Variants in MSRB3 observed in about 807,000 individuals in gnomAD.
MSRB3 encodes the protein methionine sulfoxide reductase B3.
Under a neutral mutation model 21.0 loss-of-function variants are expected in MSRB3, and 13 were observed. That is an observed-to-expected ratio of 0.62 (90% CI 0.40 to 0.98). MSRB3 has a LOEUF of 0.98. MSRB3 is among the 50% of genes least tolerant of loss of function. MSRB3 has a pLI of 0.00. For missense variants in MSRB3, 199 were observed against 230.3 expected, an observed-to-expected ratio of 0.86 and a Z score of 0.88; for synonymous variants, 87 against 88.6, an observed-to-expected ratio of 0.98 and a Z score of 0.10.
At chr12:65,457,141 T>G (rs1351043647) in intron 6 of MSRB3, among the ~76,000 whole-genome samples, 1 of 152,150 alleles carries the variant, frequency 6.6e-6, no homozygotes, top group Non-Finnish European at 1.5e-5. Context: ...ATTATCTGTT[T>G]ATCTTCTTTT....
At chr12:65,296,224 T>C (rs368592143) in intron 1 of MSRB3, among the ~76,000 whole-genome samples, 1 of 152,236 alleles carries the variant, frequency 6.6e-6, no homozygotes, top group African/African-American at 2.4e-5. Flanking sequence ...GTAATCTTAG[T>C]TGAGTTGTCT....
At chr12:65,384,510 T>G (rs528587144) in intron 5 of MSRB3, among the ~76,000 whole-genome samples, 1 of 152,290 alleles carries the variant, frequency 6.6e-6, no homozygotes, top group South Asian at 2.1e-4. Context: ...ACATGATTAA[T>G]GACTGAAGAA....
chr12:65,359,300 G>T (rs983313018), intron 4 of MSRB3, among the ~76,000 whole-genome samples: 3 of 151,990 alleles, frequency 2.0e-5, no homozygotes, highest in Non-Finnish European at 2.9e-5. Context: ...TATTGCTCTT[G>T]TCTGAGATTT....
At chr12:65,365,102 G>A (rs1452508324) in intron 4 of MSRB3, among the ~76,000 whole-genome samples, 3 of 151,076 alleles carry the variant, frequency 2.0e-5, no homozygotes, top group Non-Finnish European at 4.4e-5. Context: ...TCAGAATTAG[G>A]TATTCTATAG....
At chr12:65,299,284 C>G (rs1161893924) in intron 1 of MSRB3, among the ~76,000 whole-genome samples, 3 of 152,236 alleles carry the variant, frequency 2.0e-5, no homozygotes, top group Admixed American at 6.5e-5. Flanking sequence ...ACAGGCTAAG[C>G]TGCTCTGACA....
rs2136544804 is a variant in MSRB3, at chr12:65,374,885, TG to T, written c.292+5860del. ...TCTTTTTTGAGACGGAGTCTTGCTC[TG>T]TCGCCCAGGCTGGAGTGCAGTGGCG... is the stretch of plus-strand genomic sequence containing the variant. On this transcript the variant is annotated intron_variant, in intron 5 of 6. Coordinates refer to ENST00000308259, the MANE Select transcript of MSRB3 (RefSeq NM_001031679.3). Among the ~76,000 whole-genome samples, 3 of 152,338 alleles carry T rather than the reference TG, an allele frequency of 2.0e-5. No individual in the cohort carries two copies. In the East Asian group the frequency reaches 5.8e-4, roughly 29 times the overall value.
chr12:65,372,298 T>C (rs941239235), intron 5 of MSRB3, among the ~76,000 whole-genome samples: 1 of 152,222 alleles, frequency 6.6e-6, no homozygotes, highest in Non-Finnish European at 1.5e-5. Flanking sequence ...AATTCTGACC[T>C]GAGAACTCCA....
At chr12:65,287,614 C>T (rs1481880950) in intron 1 of MSRB3, among the ~76,000 whole-genome samples, 3 of 152,088 alleles carry the variant, frequency 2.0e-5, no homozygotes, top group African/African-American at 7.2e-5. Flanking sequence ...GGGTGAAAAG[C>T]CACAAGTTGT....
rs896631191 is a variant in MSRB3, at chr12:65,368,929, C to T, written c.264-69C>T. The T allele has an allele frequency of 9.9e-6, 6 of 607,146 alleles. 1 individual carries two copies. The highest frequency in any genetic ancestry group is 5.6e-5 in the African/African-American group (3 of 53,856). 37.6% of individuals were successfully genotyped at this position (607,146 alleles called of 1,614,324 possible). On this transcript the variant is annotated intron_variant, in intron 4 of 6. Coordinates refer to ENST00000308259, the MANE Select transcript of MSRB3 (RefSeq NM_001031679.3). ...TACCTCCCCTCCCAACCACACCCCC[C>T]CCCCCCATGAAATAATTGTTCTTTT...
At position 65,290,720 on chromosome 12, in the gene MSRB3, C is replaced by A. The variant is rs367647082; in HGVS notation, c.-52+11855C>A. 2.7e-4 allele frequency among the ~76,000 whole-genome samples: 41 copies of A among 152,326 alleles called. No individual in the cohort carries two copies. The East Asian group carries it at 6.2e-3, about 23-fold the overall frequency. On this transcript the variant is annotated intron_variant, in intron 1 of 6. Coordinates refer to ENST00000308259, the MANE Select transcript of MSRB3 (RefSeq NM_001031679.3). ...CTTTGTGTGTTCGGACTAGTTTCTTCATATTTGGACAATGCCCTCCTCTTT... is the reference window on the plus strand; with the variant it reads ...CTTTGTGTGTTCGGACTAGTTTCTTAATATTTGGACAATGCCCTCCTCTTT...
intron 4 of MSRB3, among the ~76,000 whole-genome samples, chr12:65,335,607 A>AC (rs1875712290): frequency 6.6e-6 from 1 of 152,064 alleles, no homozygotes; most frequent in Non-Finnish European, 1.5e-5. Context: ...CTGTGATGCA[A>AC]TTTTGTGTGT....
At chr12:65,343,786 G>A (rs958301713) in intron 4 of MSRB3, among the ~76,000 whole-genome samples, 3 of 152,048 alleles carry the variant, frequency 2.0e-5, no homozygotes, top group Non-Finnish European at 4.4e-5. Context: ...ATGCTTCCCT[G>A]TATTCTGGCT....
intron 5 of MSRB3, among the ~76,000 whole-genome samples, chr12:65,394,012 A>T (rs1879637869): frequency 6.6e-6 from 1 of 152,152 alleles, no homozygotes; most frequent in Non-Finnish European, 1.5e-5. Flanking sequence ...TAAGTAAGGT[A>T]AATTACTCTA....
intron 5 of MSRB3, among the ~76,000 whole-genome samples, chr12:65,397,155 C>G (rs1879864031): frequency 6.6e-6 from 1 of 152,156 alleles, no homozygotes; most frequent in South Asian, 2.1e-4. Context: ...CTGAAGTTCA[C>G]TCTGTCAAAA....
intron 5 of MSRB3, among the ~76,000 whole-genome samples, chr12:65,370,857 G>A (rs1878278101): frequency 6.6e-6 from 1 of 152,014 alleles, no homozygotes; most frequent in South Asian, 2.1e-4. Context: ...AAGTTTATTT[G>A]TTCTTTTAAT....
intron 5 of MSRB3, among the ~76,000 whole-genome samples, chr12:65,398,864 G>T (rs1031847910): frequency 7.9e-5 from 12 of 152,030 alleles, no homozygotes; most frequent in African/African-American, 2.7e-4. Flanking sequence ...TAAATAGGGA[G>T]TCTGTTCCCC....
intron 1 of MSRB3, among the ~76,000 whole-genome samples, chr12:65,303,046 AAACTC>A (rs1296122455): frequency 6.6e-6 from 1 of 152,104 alleles, no homozygotes; most frequent in Non-Finnish European, 1.5e-5. Flanking sequence ...TTATTTGACA[AAACTC>A]AAAACTGTTG....
intron 5 of MSRB3, among the ~76,000 whole-genome samples, chr12:65,423,929 G>GTACTAATTCA (rs1483595168): frequency 2.0e-5 from 3 of 152,082 alleles, no homozygotes; most frequent in African/African-American, 7.2e-5. Context: ...TTCTTTAAAA[G>GTACTAATTCA]GTTGGTAGAA....
chr12:65,366,167 A>G (rs780859765), intron 4 of MSRB3, among the ~76,000 whole-genome samples: 66 of 152,272 alleles, frequency 4.3e-4, no homozygotes, highest in Non-Finnish European at 4.3e-4. Context: ...TCTGAGCAGG[A>G]ATGTGAAGAA....
Sources: gnomAD v4.1 joint callset for allele counts (sites outside exome capture counted in the v4.1 genomes callset) on GRCh38, gnomAD v4.1.1 for gene constraint, MANE v1.5 for transcripts, NCBI Gene and HGNC (gene_info 2026-07-23, HGNC 2026-07-21) for gene names.